Variants in CTNNA3 observed in about 807,000 individuals in gnomAD.
The protein encoded by CTNNA3 is catenin alpha 3, also known as catenin alpha-3.
CTNNA3 carries 76 observed loss-of-function variants against 95.7 expected under a neutral mutation model. The observed-to-expected ratio is 0.79, with a 90% confidence interval of 0.66 to 0.96. The LOEUF is 0.96. Among genes scored for constraint, CTNNA3 ranks in the 40% least tolerant of loss-of-function variants. CTNNA3 has a pLI of 0.00. For synonymous variants in CTNNA3, 431 were observed against 374.4 expected (o/e 1.15, Z -1.74); for missense variants, 1,191 against 1,089.8 (o/e 1.09, Z -1.31).
At chr10:67,164,265 A>G (rs1279158085) in intron 7 of CTNNA3, among the ~76,000 whole-genome samples, 3 of 152,118 alleles carry the variant, frequency 2.0e-5, no homozygotes, top group Non-Finnish European at 2.9e-5. Context: ...AGGAATAAAC[A>G]AACAGCCCAA....
In CTNNA3 at chr10:66,160,039, C is replaced by G. The variant is rs561597695; in HGVS notation, c.1885-56790G>C. On this transcript the variant is annotated intron_variant, in intron 13 of 17. Transcript: ENST00000433211. ...AGTTGTAGTGTCTCCTCTTTCATTT[C>G]TCAGTGAGGTTATTTGGATTTTCTG... Among the ~76,000 whole-genome samples, 20 of 152,086 alleles carry G rather than the reference C, an allele frequency of 1.3e-4. No individual in the cohort carries two copies. The East Asian group carries it at 3.3e-3, about 25-fold the overall frequency.
intron 9 of CTNNA3, among the ~76,000 whole-genome samples, chr10:66,634,915 C>T (rs2132356411): frequency 6.6e-6 from 1 of 152,170 alleles, no homozygotes; most frequent in Middle Eastern, 3.4e-3. Context: ...AGTATTATTG[C>T]TTCCAATAAA....
At chr10:66,256,762 G>A (rs1049989604) in intron 13 of CTNNA3, among the ~76,000 whole-genome samples, 6 of 150,698 alleles carry the variant, frequency 4.0e-5, no homozygotes, top group Non-Finnish European at 7.4e-5. Flanking sequence ...AAATGCCGTC[G>A]CCAACTAATT....
intron 10 of CTNNA3, among the ~76,000 whole-genome samples, chr10:66,549,730 T>C (rs1371318681): frequency 1.3e-5 from 2 of 152,242 alleles, no homozygotes; most frequent in African/African-American, 4.8e-5. Context: ...AATTTTGTTT[T>C]AATTCATGAA....
At chr10:66,795,763 A>G (rs546857344) in intron 7 of CTNNA3, among the ~76,000 whole-genome samples, 6 of 152,282 alleles carry the variant, frequency 3.9e-5, no homozygotes, top group African/African-American at 1.4e-4. Flanking sequence ...TACTTCATCA[A>G]CGATCTTAGC....
At chr10:65,924,943 A>G (rs1301243291) in intron 17 of CTNNA3, among the ~76,000 whole-genome samples, 1 of 152,148 alleles carries the variant, frequency 6.6e-6, no homozygotes, top group African/African-American at 2.4e-5. Flanking sequence ...CTTATTCACC[A>G]TCATGAGAAC....
At chr10:66,564,331 G>T (rs1055284347) in intron 10 of CTNNA3, among the ~76,000 whole-genome samples, 9 of 152,102 alleles carry the variant, frequency 5.9e-5, no homozygotes, top group African/African-American at 2.2e-4. Flanking sequence ...ATGAGCAGAT[G>T]TACAATGGCC....
chr10:67,296,030 G>T (rs1840016684), intron 5 of CTNNA3, among the ~76,000 whole-genome samples: 1 of 152,042 alleles, frequency 6.6e-6, no homozygotes, highest in Non-Finnish European at 1.5e-5. Context: ...AATTTTTCAG[G>T]GTGATCAAAG....
At chr10:66,229,134 A>C (rs1209898333) in intron 13 of CTNNA3, among the ~76,000 whole-genome samples, 1 of 152,166 alleles carries the variant, frequency 6.6e-6, no homozygotes, top group African/African-American at 2.4e-5. Context: ...CCATTTACCA[A>C]AGATTTTATT....
At chr10:66,865,362 G>T (rs59629178) in intron 7 of CTNNA3, among the ~76,000 whole-genome samples, 3,118 of 151,966 alleles carry the variant, frequency 0.021, 40 homozygotes, top group Middle Eastern at 0.048. Context: ...ATGTTAAAAA[G>T]ACATAAATAT....
chr10:67,684,739 T>C (rs1295198543), intron 1 of CTNNA3, among the ~76,000 whole-genome samples: 1 of 152,212 alleles, frequency 6.6e-6, no homozygotes, highest in Admixed American at 6.5e-5. Context: ...TAAGACCATC[T>C]GTAACTTGAT....
intron 5 of CTNNA3, among the ~76,000 whole-genome samples, chr10:67,315,464 T>G (rs1259558334): frequency 6.6e-6 from 1 of 152,138 alleles, no homozygotes; most frequent in Non-Finnish European, 1.5e-5. Flanking sequence ...AGCAAAGTTG[T>G]CCTTTAACTA....
intron 15 of CTNNA3, among the ~76,000 whole-genome samples, chr10:66,058,184 T>C (rs570679118): frequency 2.0e-5 from 3 of 152,254 alleles, no homozygotes; most frequent in Admixed American, 6.5e-5. Flanking sequence ...ATATGAGCCA[T>C]AGAACATACA....
At chr10:67,522,234 A>G (rs1055776691) in intron 4 of CTNNA3, among the ~76,000 whole-genome samples, 1 of 152,228 alleles carries the variant, frequency 6.6e-6, no homozygotes, top group Non-Finnish European at 1.5e-5. Context: ...AAAAAAAATA[A>G]AAAAGAAAGT....
intron 5 of CTNNA3, among the ~76,000 whole-genome samples, chr10:67,516,235 GC>G: frequency 6.6e-6 from 1 of 152,062 alleles, no homozygotes; most frequent in Admixed American, 6.6e-5. Flanking sequence ...TTTAATGTTA[GC>G]CCCAATGGAA....
At chr10:67,447,903 G>T (rs1348967904) in intron 5 of CTNNA3, among the ~76,000 whole-genome samples, 1 of 152,088 alleles carries the variant, frequency 6.6e-6, no homozygotes, top group Non-Finnish European at 1.5e-5. Context: ...TTAGTTCAAT[G>T]AATAAATTAT....
At chr10:67,334,590 C>A (rs1841917838) in intron 5 of CTNNA3, 1 of 152,456 alleles carries the variant, frequency 6.6e-6, no homozygotes, top group Non-Finnish European at 1.5e-5. Context: ...AAGCTGATTG[C>A]TGAGGGCTCG....
chr10:66,809,352 A>T (rs912657322), intron 7 of CTNNA3, among the ~76,000 whole-genome samples: 4 of 152,142 alleles, frequency 2.6e-5, no homozygotes, highest in Middle Eastern at 3.2e-3. Flanking sequence ...AATTTTTAAA[A>T]TATCGGTTTA....
chr10:66,978,534 A>ATAAAAAATAAAATAAAAAT (rs1850200278), intron 7 of CTNNA3, among the ~76,000 whole-genome samples: 1 of 93,700 alleles, frequency 1.1e-5, no homozygotes. Flanking sequence ...CTCAAAAAAA[A>ATAAAAAATAAAATAAAAAT]AAAAAAAAAA....
Sources: gnomAD v4.1 joint callset for allele counts (sites outside exome capture counted in the v4.1 genomes callset) on GRCh38, gnomAD v4.1.1 for gene constraint, MANE v1.5 for transcripts, NCBI Gene and HGNC (gene_info 2026-07-23, HGNC 2026-07-21) for gene names.